Variants in DCDC2 observed in about 807,000 individuals in gnomAD.
The protein encoded by DCDC2 is doublecortin domain-containing protein 2.
Under a neutral mutation model 50.2 loss-of-function variants are expected in DCDC2, and 40 were observed. The ratio of observed to expected loss-of-function variants is 0.80; its 90% CI spans 0.62 to 1.04. The LOEUF is 1.04. Among genes scored for constraint, DCDC2 ranks in the 50% least tolerant of loss-of-function variants. The pLI is 0.00. For missense variants in DCDC2, 570 were observed against 581.9 expected (o/e 0.98, Z 0.21); for synonymous variants, 234 against 210.6 (o/e 1.11, Z -0.96).
chr6:24,305,760 C>T (rs12173752), intron 2 of DCDC2, among the ~76,000 whole-genome samples: 2 of 151,778 alleles, frequency 1.3e-5, no homozygotes, highest in Non-Finnish European at 2.9e-5. Flanking sequence ...GGTGCAGTGG[C>T]TTACACCTAT....
chr6:24,244,848 A>C (rs1342484267), intron 7 of DCDC2, among the ~76,000 whole-genome samples: 2 of 152,232 alleles, frequency 1.3e-5, no homozygotes, highest in African/African-American at 4.8e-5. Context: ...TTGAGGTGAC[A>C]CAGACCCTCT....
chr6:24,227,432 C>T (rs73394023), intron 7 of DCDC2, among the ~76,000 whole-genome samples: 20,518 of 152,090 alleles, frequency 0.13, 1,805 homozygotes, highest in East Asian at 0.36. Flanking sequence ...CAGGGATTAT[C>T]AAGAAATCTA....
chr6:24,349,985 C>T lies in DCDC2; in HGVS notation c.348+3584G>A, dbSNP rs115708393. ...TTTTATTCTTCTGTTTCTTTATTCC[C>T]CCCCTCCACCCCATTACTTCCTGCT... On this transcript the variant is annotated intron_variant, in intron 2 of 9. Coordinates refer to ENST00000378454, the MANE Select transcript of DCDC2 (RefSeq NM_016356.5). Among the ~76,000 whole-genome samples, 1,143 of 152,158 alleles carry T rather than the reference C, an allele frequency of 7.5e-3. 14 individuals are homozygous for T. Among genetic ancestry groups the T allele is most frequent in the African/African-American group, 0.025 (1,045 of 41,510 alleles).
At chr6:24,180,149 T>C (rs888327581) in intron 8 of DCDC2, among the ~76,000 whole-genome samples, 3 of 152,074 alleles carry the variant, frequency 2.0e-5, no homozygotes, top group Non-Finnish European at 2.9e-5. Context: ...AGAAAAGTTA[T>C]ATAAAGTGTC....
At chr6:24,214,871 C>T (rs555577450) in intron 7 of DCDC2, among the ~76,000 whole-genome samples, 40 of 152,324 alleles carry the variant, frequency 2.6e-4, no homozygotes, top group African/African-American at 9.6e-4. Flanking sequence ...GTAACAAAAA[C>T]ACATAGTACT....
chr6:24,360,132 A>C (rs1462492575), upstream of DCDC2, among the ~76,000 whole-genome samples: 1 of 152,126 alleles, frequency 6.6e-6, no homozygotes, highest in Non-Finnish European at 1.5e-5. Flanking sequence ...AGGGGAACGG[A>C]GTTGTTATTT....
Position 24,248,373 on chromosome 6 carries a change from G to C in DCDC2, c.922+29676C>G, listed in dbSNP as rs187184677. The stretch of plus-strand genomic sequence containing the variant: ...CATGGTCTGAACCTCTTCAAGCCCC[G>C]ATTCCTTGTCTGTAAAACTGAGATA... On this transcript the variant is annotated intron_variant, in intron 7 of 9. Transcript: ENST00000378454. 2.1e-3 allele frequency among the ~76,000 whole-genome samples: 313 copies of C among 152,204 alleles called. 1 individual carries two copies. The highest frequency in any genetic ancestry group is 8.3e-3 in the South Asian group (40 of 4,820).
intron 8 of DCDC2, among the ~76,000 whole-genome samples, chr6:24,189,370 A>C (rs1229936559): frequency 6.6e-6 from 1 of 152,188 alleles, no homozygotes; most frequent in Non-Finnish European, 1.5e-5. Flanking sequence ...AATTATATGG[A>C]AATAAGCCAC....
In DCDC2 at chr6:24,357,596, G is replaced by A. The variant is rs775169863; in HGVS notation, c.155C>T (p.Thr52Ile). The part of the protein sequence containing the change: ...SSFEVFLKEV[T>I]GGVQAPFGAV... ...CCCAAAGGGTGCCTGAACGCCGCCG[G>A]TCACCTCCTTCAGGAAGACTTCGAA... Residue 52 changes from threonine to isoleucine, a missense_variant, in exon 1 of 10, where the codon ACC (threonine) becomes ATC (isoleucine). Thr to Ile is a moderately conservative substitution (Grantham distance 89). Transcript: ENST00000378454. 6 of 1,613,470 alleles carry A rather than the reference G, an allele frequency of 3.7e-6. No homozygotes were observed. Among genetic ancestry groups the A allele is most frequent in the Non-Finnish European group, 5.1e-6 (6 of 1,180,036 alleles).
At chr6:24,185,839 G>A (rs983871266) in intron 8 of DCDC2, among the ~76,000 whole-genome samples, 5 of 152,086 alleles carry the variant, frequency 3.3e-5, no homozygotes, top group Admixed American at 6.6e-5. Flanking sequence ...AGGCAAAGGA[G>A]GAACAAGTTG....
chr6:24,268,072 C>T (rs914227368), intron 7 of DCDC2, among the ~76,000 whole-genome samples: 15 of 152,308 alleles, frequency 9.8e-5, no homozygotes, highest in African/African-American at 1.7e-4. Context: ...GCGTGGAATA[C>T]GTCCATACTA....
intron 2 of DCDC2, among the ~76,000 whole-genome samples, chr6:24,348,584 A>T (rs1760309070): frequency 6.6e-6 from 1 of 152,236 alleles, no homozygotes. Flanking sequence ...TTTCTGCTAG[A>T]GACTGATTTT....
At chr6:24,255,621 G>A (rs1364161089) in intron 7 of DCDC2, among the ~76,000 whole-genome samples, 2 of 152,026 alleles carry the variant, frequency 1.3e-5, no homozygotes, top group African/African-American at 2.4e-5. Context: ...CAGAAAAATG[G>A]ACATGAGACT....
chr6:24,293,841 G>T (rs55841619), intron 4 of DCDC2, among the ~76,000 whole-genome samples: 1 of 152,044 alleles, frequency 6.6e-6, no homozygotes, highest in East Asian at 1.9e-4. Flanking sequence ...CCCTCAGATC[G>T]CAGCACAATA....
chr6:24,378,932 A>G, the DCDC2 span, among the ~76,000 whole-genome samples: 1 of 148,096 alleles, frequency 6.8e-6, no homozygotes, highest in African/African-American at 2.5e-5. Flanking sequence ...AGCCTGGGCA[A>G]CAAAGGAGAC....
At chr6:24,350,354 C>T (rs1417561609) in intron 2 of DCDC2, among the ~76,000 whole-genome samples, 1 of 152,198 alleles carries the variant, frequency 6.6e-6, no homozygotes, top group East Asian at 1.9e-4. Context: ...ACTCCCAGCA[C>T]TCACTGAAAG....
chr6:24,175,918 C>A (rs1760898910), intron 9 of DCDC2, among the ~76,000 whole-genome samples: 1 of 152,068 alleles, frequency 6.6e-6, no homozygotes, highest in Non-Finnish European at 1.5e-5. Flanking sequence ...TTAGGGAGAA[C>A]AAGATAAAAT....
chr6:24,343,474 C>T (rs1246180968), intron 2 of DCDC2, among the ~76,000 whole-genome samples: 1 of 152,186 alleles, frequency 6.6e-6, no homozygotes, highest in African/African-American at 2.4e-5. Context: ...ATTATTTATA[C>T]CATATGGAAA....
At chr6:24,252,661 C>T (rs2113799948) in intron 7 of DCDC2, among the ~76,000 whole-genome samples, 1 of 152,240 alleles carries the variant, frequency 6.6e-6, no homozygotes, top group Admixed American at 6.5e-5. Flanking sequence ...GAGCCTAGAG[C>T]CATCTCAAAG....
Sources: gnomAD v4.1 joint callset for allele counts (sites outside exome capture counted in the v4.1 genomes callset) on GRCh38, gnomAD v4.1.1 for gene constraint, MANE v1.5 for transcripts, NCBI Gene and HGNC (gene_info 2026-07-23, HGNC 2026-07-21) for gene names.